Variants in RNF212 observed in about 807,000 individuals in gnomAD.
RNF212 encodes ring finger protein 212.
In RNF212, 33 loss-of-function variants were observed where a neutral mutation model predicts 34.7. That is an observed-to-expected ratio of 0.95 (90% CI 0.72 to 1.27). The LOEUF (loss-of-function observed/expected upper bound fraction) is 1.27, where lower values mean the gene tolerates loss of function less well. Ranked by LOEUF, RNF212 falls within the 50% of genes most tolerant of loss-of-function variation. RNF212 has a pLI of 0.00. For synonymous variants in RNF212, 140 were observed against 136.1 expected, an observed-to-expected ratio of 1.03 and a Z score of -0.20; for missense variants, 377 against 362.2, an observed-to-expected ratio of 1.04 and a Z score of -0.33.
chr4:1,085,424 T>C (rs1341598032), intron 5 of RNF212, among the ~76,000 whole-genome samples: 1 of 152,272 alleles, frequency 6.6e-6, no homozygotes, highest in African/African-American at 2.4e-5. Context: ...ACTCTGGATG[T>C]TTCTTCCTAA....
At chr4:1,066,846 G>A (rs766968979), downstream of RNF212, among the ~76,000 whole-genome samples, 2 of 151,292 alleles carry the variant, frequency 1.3e-5, no homozygotes, top group Non-Finnish European at 2.9e-5. Context: ...CCTGTGCTTT[G>A]GTATCATATC....
chr4:1,102,338 C>T (rs1017429204), intron 2 of RNF212, among the ~76,000 whole-genome samples: 6 of 152,182 alleles, frequency 3.9e-5, no homozygotes, highest in African/African-American at 1.4e-4. Context: ...TAAAGTTCCA[C>T]AGTTGGCCTT....
intron 5 of RNF212, among the ~76,000 whole-genome samples, chr4:1,082,250 C>G (rs758776452): frequency 6.6e-6 from 1 of 152,246 alleles, no homozygotes; most frequent in Non-Finnish European, 1.5e-5. Context: ...GGACTGATCT[C>G]CACGATGGCC....
intron 3 of RNF212, among the ~76,000 whole-genome samples, chr4:1,063,136 T>A: frequency 6.6e-6 from 1 of 152,198 alleles, no homozygotes; most frequent in East Asian, 1.9e-4. Context: ...ACCCCCTACA[T>A]TGATGTACAA....
chr4:1,093,673 C>A, intron 3 of RNF212: 1 of 1,536,124 alleles, frequency 6.5e-7, no homozygotes, highest in Non-Finnish European at 8.7e-7. Context: ...GGCAAAACCA[C>A]CCTGGAGCGC....
chr4:1,081,394 T>C, intron 7 of RNF212, 25 bp downstream of exon 7: 1 of 1,607,506 alleles, frequency 6.2e-7, no homozygotes, highest in Non-Finnish European at 8.5e-7. Context: ...GCAGGTCCTG[T>C]GATTTCTGCA....
Position 1,079,498 on chromosome 4 carries a change from A to C in RNF212, c.510+145T>G, listed in dbSNP as rs116765926. ...CTTATAGCCACAGCCCACCCCTCTC[A>C]CCCACGGGACCAGCACACGAAGCAG... is the stretch of plus-strand genomic sequence containing the variant. On this transcript the variant is annotated intron_variant, in intron 8 of 9. Coordinates refer to ENST00000433731, the MANE Select transcript of RNF212 (RefSeq NM_001131034.4). 1,119 of 696,972 alleles carry C rather than the reference A, an allele frequency of 1.6e-3. 10 individuals carry two copies. In the African/African-American group the frequency reaches 0.017, roughly 11 times the overall value. 43.2% of individuals were successfully genotyped at this position (696,972 alleles called of 1,614,324 possible). A position where few individuals can be genotyped will look rare whatever the true frequency, so the allele number is the denominator to read the frequency against.
At chr4:1,085,428 T>C (rs935883684) in intron 5 of RNF212, among the ~76,000 whole-genome samples, 1 of 152,250 alleles carries the variant, frequency 6.6e-6, no homozygotes, top group African/African-American at 2.4e-5. Context: ...TGGATGTTTC[T>C]TCCTAAGATG....
chr4:1,072,791 G>T lies in RNF212; in HGVS notation c.*83C>A. 6.8e-7 allele frequency: 1 copy of T among 1,481,194 alleles called. No homozygotes were observed. Among genetic ancestry groups the T allele is most frequent in the Non-Finnish European group, 9.0e-7 (1 of 1,113,118 alleles). 91.8% of individuals were successfully genotyped at this position (1,481,194 alleles called of 1,614,324 possible). On this transcript the variant is annotated 3_prime_UTR_variant, in exon 10 of 10. Transcript: ENST00000433731. ...GAGGGCTTCCACATAAATGACAAAG[G>T]AATAAAGCAGATAATTTGTAGAAAA...
At chr4:1,108,150 T>C (rs879020213) in intron 2 of RNF212, among the ~76,000 whole-genome samples, 193 bp downstream of exon 2, 2 of 152,358 alleles carry the variant, frequency 1.3e-5, no homozygotes, top group South Asian at 4.1e-4. Context: ...AAGGTCAATC[T>C]ATAGCTAAGA....
chr4:1,088,254 G>A (rs1721652605), intron 4 of RNF212, among the ~76,000 whole-genome samples: 1 of 152,172 alleles, frequency 6.6e-6, no homozygotes, highest in Non-Finnish European at 1.5e-5. Context: ...AATTTATTGG[G>A]ACTGGAGCAA....
At chr4:1,075,024 G>A (rs757958217) in intron 8 of RNF212, among the ~76,000 whole-genome samples, 9 of 152,274 alleles carry the variant, frequency 5.9e-5, no homozygotes, top group South Asian at 2.1e-4. Flanking sequence ...GAAAATCTCC[G>A]CAGAGCGTTC....
At chr4:1,079,099 A>G (rs112424657) in intron 8 of RNF212, among the ~76,000 whole-genome samples, 14 of 142,324 alleles carry the variant, frequency 9.8e-5, no homozygotes, top group Admixed American at 5.6e-4. Context: ...GGACCAACAT[A>G]GGACCAACAC....
chr4:1,057,079 G>A (rs1717372692), intron 4 of RNF212: 23 of 756,738 alleles, frequency 3.0e-5, no homozygotes, highest in South Asian at 6.0e-5. Flanking sequence ...AGCACTGGCC[G>A]TTTTGTGGTT....
Position 1,072,781 on chromosome 4 carries a change from A to G in RNF212, c.*93T>C, listed in dbSNP as rs752631912. 483 of 1,464,868 alleles carry G rather than the reference A, an allele frequency of 3.3e-4. No individual in the cohort carries two copies. The highest frequency in any genetic ancestry group is 1.3e-3 in the Middle Eastern group (7 of 5,534). 90.7% of individuals were successfully genotyped at this position (1,464,868 alleles called of 1,614,324 possible). ...CCTGCACACTGAGGGCTTCCACATA[A>G]ATGACAAAGGAATAAAGCAGATAAT... On this transcript the variant is annotated 3_prime_UTR_variant, in exon 10 of 10. Coordinates refer to ENST00000433731, the MANE Select transcript of RNF212 (RefSeq NM_001131034.4).
chr4:1,085,704 C>A, intron 5 of RNF212, 192 bp downstream of exon 5: 2 of 597,158 alleles, frequency 3.3e-6, no homozygotes, highest in Non-Finnish European at 5.9e-6. Context: ...TTCACTTTTT[C>A]TTTTTTGTCT....
At chr4:1,082,012 A>C (rs1720434726) in intron 5 of RNF212, 1 of 253,460 alleles carries the variant, frequency 3.9e-6, no homozygotes, top group Non-Finnish European at 7.7e-6. Flanking sequence ...ACACTTTGGG[A>C]GGCAGGGGCG....
chr4:1,078,885 G>A (rs936702328), intron 8 of RNF212, among the ~76,000 whole-genome samples: 400 of 24,404 alleles, frequency 0.016, no homozygotes, highest in Middle Eastern at 0.029. Flanking sequence ...ACACAGGACC[G>A]ACATGGGACC....
At chr4:1,058,844 T>C (rs1717542053) in intron 3 of RNF212, among the ~76,000 whole-genome samples, 1 of 152,094 alleles carries the variant, frequency 6.6e-6, no homozygotes, top group South Asian at 2.1e-4. Flanking sequence ...GTGCCTGGCA[T>C]ACACAGGTAC....
Sources: allele counts gnomAD v4.1 joint callset (sites outside exome capture counted in the v4.1 genomes callset), GRCh38; gene constraint gnomAD v4.1.1; transcripts MANE v1.5; gene names NCBI Gene and HGNC (gene_info 2026-07-23, HGNC 2026-07-21).